SRGAP3: variants seen among roughly 807,000 people sequenced by gnomAD.
SRGAP3 encodes the protein SLIT-ROBO Rho GTPase-activating protein 3.
In SRGAP3, 39 loss-of-function variants were observed where a neutral mutation model predicts 121.1. The ratio of observed to expected loss-of-function variants is 0.32; its 90% CI spans 0.25 to 0.42. The LOEUF is 0.42. Ranked by LOEUF, SRGAP3 falls within the 10% of genes least tolerant of loss-of-function variation. The pLI, the probability that SRGAP3 is intolerant of heterozygous loss-of-function variation, is 1.00. For missense variants in SRGAP3, 1,213 were observed against 1,470.6 expected, an observed-to-expected ratio of 0.82 and a Z score of 2.86; for synonymous variants, 601 against 570.0, an observed-to-expected ratio of 1.05 and a Z score of -0.77.
At chr3:9,329,261 C>A (rs1955566450) in intron 2 of SRGAP3, among the ~76,000 whole-genome samples, 1 of 152,152 alleles carries the variant, frequency 6.6e-6, no homozygotes, top group Non-Finnish European at 1.5e-5. Context: ...AAGAGAGAAG[C>A]CAGAAATCTG....
At chr3:9,076,757 A>G (rs553597955) in intron 4 of SRGAP3, among the ~76,000 whole-genome samples, 156 of 150,714 alleles carry the variant, frequency 1.0e-3, no homozygotes, top group African/African-American at 3.6e-3. Flanking sequence ...ATCTCCCTCA[A>G]CTAATACACA....
At chr3:9,125,505 G>C (rs1321513792) in intron 1 of SRGAP3, among the ~76,000 whole-genome samples, 1 of 152,148 alleles carries the variant, frequency 6.6e-6, no homozygotes, top group Non-Finnish European at 1.5e-5. Context: ...TTCCCTCGTG[G>C]GTTTCAGTGT....
chr3:8,990,654 G>A lies in SRGAP3; in HGVS notation c.2744C>T (p.Ala915Val), dbSNP rs776049201. The change falls in exon 21 of 22, where the codon GCG becomes GTG. Residue 915 changes from alanine (A) to valine (V), a missense_variant. Ala to Val is a moderately conservative substitution (Grantham distance 64). Around this residue, in one of 2 missense-constraint regions of SRGAP3, gnomAD observed 420 missense variants for 437.7 expected, o/e 0.96. Coordinates refer to ENST00000383836, the MANE Select transcript of SRGAP3 (RefSeq NM_014850.4). ...RIESPEKRRM[A>V]TFGSAGSINY... ...GATGCTGCCAGCGCTCCCGAACGTC[G>A]CCATCCTCCGCTTCTCAGGGCTCTC... is the stretch of plus-strand genomic sequence containing the variant. 73 of 1,613,460 alleles carry A rather than the reference G, an allele frequency of 4.5e-5. No individual in the cohort carries two copies. The highest frequency in any genetic ancestry group is 5.5e-5 in the Non-Finnish European group (65 of 1,179,930).
chr3:9,245,817 G>C (rs371337698), intron 1 of SRGAP3, among the ~76,000 whole-genome samples: 3 of 152,104 alleles, frequency 2.0e-5, no homozygotes, highest in Non-Finnish European at 2.9e-5. Context: ...CCAGCTACTC[G>C]GGAGGCTGAG....
intron 1 of SRGAP3, chr3:9,193,165 AAGTC>A (rs1951811492): frequency 6.6e-6 from 1 of 152,236 alleles, no homozygotes; most frequent in South Asian, 2.1e-4. Context: ...AGGGATGATG[AAGTC>A]AGTCACTGAA....
intron 2 of SRGAP3, among the ~76,000 whole-genome samples, chr3:9,116,031 T>C (rs1948792778): frequency 6.6e-6 from 1 of 152,208 alleles, no homozygotes; most frequent in Admixed American, 6.5e-5. Flanking sequence ...TGAAAGAGAA[T>C]TGAGAAGATA....
intron 7 of SRGAP3, 42 bp downstream of exon 7, chr3:9,058,209 G>A (rs765919861): frequency 1.2e-6 from 2 of 1,602,312 alleles, no homozygotes; most frequent in Non-Finnish European, 1.7e-6. Context: ...TGGGGGAACA[G>A]AGGGAAGCAG....
intron 14 of SRGAP3, among the ~76,000 whole-genome samples, chr3:9,017,733 A>G (rs1943710148): frequency 6.6e-6 from 1 of 152,170 alleles, no homozygotes; most frequent in Non-Finnish European, 1.5e-5. Context: ...TCTTTTACTG[A>G]TATATAACAT....
At chr3:9,029,776 T>C (rs1209131442) in intron 12 of SRGAP3, among the ~76,000 whole-genome samples, 1 of 152,150 alleles carries the variant, frequency 6.6e-6, no homozygotes, top group Non-Finnish European at 1.5e-5. Flanking sequence ...ACTTAGCTCA[T>C]AGTAGGTGCA....
intron 3 of SRGAP3, among the ~76,000 whole-genome samples, chr3:9,283,189 C>A (rs1007398936): frequency 2.0e-5 from 3 of 151,454 alleles, no homozygotes; most frequent in East Asian, 2.0e-4. Flanking sequence ...GATCCACCCC[C>A]CCTCGGCCTC....
intron 1 of SRGAP3, chr3:9,349,011 G>C (rs1365665292): frequency 1.1e-6 from 1 of 930,786 alleles, no homozygotes; most frequent in Admixed American, 1.7e-5. Flanking sequence ...AGCCCCCCGG[G>C]CATTGTCAAG....
chr3:8,984,796 T>G lies in SRGAP3; in HGVS notation c.*723A>C, dbSNP rs896968435. On this transcript the variant is annotated 3_prime_UTR_variant, in exon 22 of 22. Transcript: ENST00000383836. ...GAGCAGCCTGCTTGGGGGTACTGCC[T>G]GCCCCACCCTTCCTTGAGGGGCAGA... 17 of 231,248 alleles carry G rather than the reference T, an allele frequency of 7.4e-5. No homozygotes were observed. The highest frequency in any genetic ancestry group is 6.2e-4 in the Admixed American group (11 of 17,686). 14.3% of individuals were successfully genotyped at this position (231,248 alleles called of 1,614,324 possible). A position where few individuals can be genotyped will look rare whatever the true frequency, so the allele number is the denominator to read the frequency against.
At chr3:9,147,376 A>G (rs1950059969) in intron 1 of SRGAP3, among the ~76,000 whole-genome samples, 1 of 152,144 alleles carries the variant, frequency 6.6e-6, no homozygotes, top group South Asian at 2.1e-4. Context: ...CATCTGTGCG[A>G]GGCAGTTTCA....
chr3:9,286,135 C>CAT (rs917915373), intron 3 of SRGAP3, among the ~76,000 whole-genome samples: 2 of 151,134 alleles, frequency 1.3e-5, no homozygotes, highest in Non-Finnish European at 2.9e-5. Flanking sequence ...CACACACACA[C>CAT]ACACACACAC....
chr3:9,238,098 G>A (rs1953481051), intron 1 of SRGAP3, among the ~76,000 whole-genome samples: 1 of 152,208 alleles, frequency 6.6e-6, no homozygotes, highest in Admixed American at 6.5e-5. Flanking sequence ...ATACAGAACA[G>A]CACCTTCAAC....
At chr3:9,343,921 C>T (rs372251803) in intron 1 of SRGAP3, among the ~76,000 whole-genome samples, 1 of 152,188 alleles carries the variant, frequency 6.6e-6, no homozygotes, top group Non-Finnish European at 1.5e-5. Context: ...TCTAGGATTA[C>T]AGGCATGAGC....
chr3:9,091,093 T>TAC (rs1174550918), intron 3 of SRGAP3, among the ~76,000 whole-genome samples: 4 of 151,684 alleles, frequency 2.6e-5, no homozygotes, highest in Non-Finnish European at 4.4e-5. Flanking sequence ...CACACACACA[T>TAC]ACACACACAC....
intron 3 of SRGAP3, among the ~76,000 whole-genome samples, chr3:9,293,581 C>G (rs1237963616): frequency 6.6e-6 from 1 of 152,012 alleles, no homozygotes; most frequent in African/African-American, 2.4e-5. Flanking sequence ...TTTTGCAAAC[C>G]ATGCATCCGA....
At chr3:9,286,146 ACACACACACACACAC>A (rs1170225411) in intron 3 of SRGAP3, among the ~76,000 whole-genome samples, 34 of 151,332 alleles carry the variant, frequency 2.2e-4, no homozygotes, top group African/African-American at 8.3e-4. Flanking sequence ...ACACACACAC[ACACACACACACACAC>A]ATTTATCTGT....
Sources: gnomAD v4.1 joint callset for allele counts (sites outside exome capture counted in the v4.1 genomes callset) on GRCh38, gnomAD v4.1.1 for gene constraint, gnomAD v4.1.1 regional missense constraint, MANE v1.5 for transcripts, NCBI Gene and HGNC (gene_info 2026-07-23, HGNC 2026-07-21) for gene names.